The following EMSY variants were observed in gnomAD, a reference collection of about 807,000 sequenced individuals.
EMSY encodes EMSY transcriptional repressor, BRCA2 interacting.
A neutral mutation model predicts 134.6 loss-of-function variants in EMSY; 26 were observed. The observed-to-expected ratio is 0.19, with a 90% CI of 0.14 to 0.27. The LOEUF is 0.27. EMSY is among the 10% of genes least tolerant of loss of function. EMSY has a pLI of 1.00. For missense variants in EMSY, 1,305 were observed against 1,611.4 expected (o/e 0.81, Z 3.26); for synonymous variants, 579 against 577.8 (o/e 1.00, Z -0.03).
chr11:76,495,122 A>C (rs778121165), intron 8 of EMSY, among the ~76,000 whole-genome samples: 1 of 152,214 alleles, frequency 6.6e-6, no homozygotes, highest in Non-Finnish European at 1.5e-5. Context: ...AAAATTCAAC[A>C]AGTGAGGATG....
chr11:76,525,571 A>G (rs2136321353), intron 12 of EMSY, among the ~76,000 whole-genome samples: 2 of 152,318 alleles, frequency 1.3e-5, no homozygotes, highest in South Asian at 4.1e-4. Context: ...AATTTAGTAA[A>G]GTCACTGTAT....
chr11:76,471,479 G>A (rs1355645972), intron 7 of EMSY, among the ~76,000 whole-genome samples: 6 of 152,022 alleles, frequency 3.9e-5, no homozygotes, highest in Non-Finnish European at 8.8e-5. Context: ...GTCTTTTTCT[G>A]TTCCAGGATA....
chr11:76,496,224 C>T (rs1949649606), exon 9 of EMSY: 3 of 1,613,798 alleles, frequency 1.9e-6, no homozygotes, highest in Non-Finnish European at 2.5e-6. Flanking sequence ...GGTGTATCTA[C>T]ATCAGCAATC....
chr11:76,480,249 T>C (rs1948918222), intron 8 of EMSY, among the ~76,000 whole-genome samples: 1 of 152,156 alleles, frequency 6.6e-6, no homozygotes, highest in Non-Finnish European at 1.5e-5. Context: ...TGGGATGTGG[T>C]AATGTAGGAG....
intron 20 of EMSY, 72 bp from the exon 22 acceptor site, chr11:76,549,878 TTC>T: frequency 3.8e-6 from 5 of 1,325,548 alleles, no homozygotes; most frequent in Non-Finnish European, 3.1e-6. Context: ...TTTTTTTTTT[TTC>T]TTGATATTGT....
At chr11:76,483,111 G>A (rs941937290) in intron 8 of EMSY, among the ~76,000 whole-genome samples, 2 of 152,302 alleles carry the variant, frequency 1.3e-5, no homozygotes, top group Admixed American at 6.5e-5. Flanking sequence ...CATTCTTAAA[G>A]AAAAGAATTT....
chr11:76,542,313 G>A (rs1432703041), exon 18 of EMSY: 2 of 1,613,886 alleles, frequency 1.2e-6, no homozygotes, highest in Non-Finnish European at 1.7e-6. Context: ...CTTCGGTGGT[G>A]GTGAAGTCCA....
intron 9 of EMSY, among the ~76,000 whole-genome samples, chr11:76,501,804 T>C (rs1949869136): frequency 6.6e-6 from 1 of 152,032 alleles, no homozygotes; most frequent in African/African-American, 2.4e-5. Flanking sequence ...TTTCCAAATT[T>C]ATTGAAAAGC....
intron 9 of EMSY, among the ~76,000 whole-genome samples, chr11:76,505,362 A>AAT (rs1555062019): frequency 3.2e-5 from 4 of 126,784 alleles, no homozygotes; most frequent in Non-Finnish European, 4.9e-5. Flanking sequence ...CGCCCGGCTA[A>AAT]TTTTTTTTTT....
intron 4 of EMSY, among the ~76,000 whole-genome samples, chr11:76,457,832 ATTAAC>A (rs1238133397): frequency 6.6e-6 from 1 of 152,222 alleles, no homozygotes; most frequent in East Asian, 1.9e-4. Context: ...TAATTATAAA[ATTAAC>A]TTCTAAAAAT....
chr11:76,530,821 A>T (rs1031730789), intron 14 of EMSY, among the ~76,000 whole-genome samples: 6 of 152,200 alleles, frequency 3.9e-5, no homozygotes, highest in African/African-American at 1.2e-4. Context: ...GCTGATTTTC[A>T]AAGTATATGA....
chr11:76,464,069 A>G (rs755775507), exon 7 of EMSY: 104 of 1,614,052 alleles, frequency 6.4e-5, no homozygotes, highest in Non-Finnish European at 8.6e-5. Flanking sequence ...AACAAACACA[A>G]CAACACAGAA....
chr11:76,551,826 G>A (rs1951844113), downstream of EMSY: 1 of 152,134 alleles, frequency 6.6e-6, no homozygotes, highest in South Asian at 2.1e-4. Context: ...AGGGGCTCAT[G>A]GGCCTCTAAG....
At chr11:76,531,869 G>A (rs1484042260) in intron 14 of EMSY, among the ~76,000 whole-genome samples, 2 of 152,092 alleles carry the variant, frequency 1.3e-5, no homozygotes, top group Non-Finnish European at 1.5e-5. Context: ...CTGGAATAAG[G>A]ACTACGTATG....
chr11:76,549,865 C>CTTTTTTTTTTTTTTTTTTTTTTTTTTT, intron 20 of EMSY, 87 bp from the exon 22 acceptor site: 1 of 992,770 alleles, frequency 1.0e-6, no homozygotes, highest in Non-Finnish European at 1.4e-6. Context: ...TGTCAGTTTT[C>CTTTTTTTTTTTTTTTTTTTTTTTTTTT]TTTTTTTTTT....
intron 14 of EMSY, among the ~76,000 whole-genome samples, chr11:76,533,139 G>T (rs116384380): frequency 6.6e-6 from 1 of 152,070 alleles, no homozygotes; most frequent in Non-Finnish European, 1.5e-5. Flanking sequence ...ATATTACATC[G>T]TAAAAGGGAT....
At chr11:76,499,471 T>C (rs983805485) in intron 9 of EMSY, among the ~76,000 whole-genome samples, 2 of 151,484 alleles carry the variant, frequency 1.3e-5, no homozygotes, top group Non-Finnish European at 2.9e-5. Context: ...GTATTTTTAG[T>C]AGAGACGGGG....
chr11:76,483,996 G>A (rs1382165195), intron 8 of EMSY, among the ~76,000 whole-genome samples: 2 of 152,066 alleles, frequency 1.3e-5, no homozygotes, highest in African/African-American at 2.4e-5. Context: ...CACATAATTG[G>A]AAGTAAAACA....
At chr11:76,491,275 T>C (rs191094769) in intron 8 of EMSY, among the ~76,000 whole-genome samples, 2 of 151,660 alleles carry the variant, frequency 1.3e-5, no homozygotes, top group African/African-American at 4.8e-5. Flanking sequence ...CTAACTCCTA[T>C]GCTCAAGGGA....
Sources: gnomAD v4.1 joint callset for allele counts (sites outside exome capture counted in the v4.1 genomes callset) on GRCh38, gnomAD v4.1.1 for gene constraint, MANE v1.5 for transcripts, NCBI Gene and HGNC (gene_info 2026-07-23, HGNC 2026-07-21) for gene names.